Variants in RGMA observed in about 807,000 individuals in gnomAD.
RGMA encodes repulsive guidance molecule A.
A neutral mutation model predicts 23.2 loss-of-function variants in RGMA; 10 were observed. The observed-to-expected ratio is 0.43, with a 90% CI of 0.27 to 0.73. The LOEUF is 0.73. RGMA is among the 30% of genes least tolerant of loss of function. The probability of loss-of-function intolerance (pLI) is 0.20; values close to 1 mark genes in which losing one functional copy is unlikely to be tolerated. For synonymous variants in RGMA, 308 were observed against 279.3 expected, an observed-to-expected ratio of 1.10 and a Z score of -1.03; for missense variants, 547 against 630.5, an observed-to-expected ratio of 0.87 and a Z score of 1.42.
intron 2 of RGMA, 79 bp downstream of exon 2, chr15:93,072,837 C>T: frequency 8.8e-6 from 13 of 1,478,816 alleles, no homozygotes; most frequent in Non-Finnish European, 1.2e-5. Flanking sequence ...TGAGCCCGGA[C>T]TCACTCGCGC....
intron 1 of RGMA, chr15:93,073,535 CTG>C: frequency 2.0e-6 from 3 of 1,472,708 alleles, no homozygotes; most frequent in Non-Finnish European, 2.7e-6. Flanking sequence ...AGTAGAAAAA[CTG>C]TCCTTGGAGG....
At chr15:93,058,112 T>C (rs536126786) in intron 2 of RGMA, among the ~76,000 whole-genome samples, 1 of 152,306 alleles carries the variant, frequency 6.6e-6, no homozygotes, top group African/African-American at 2.4e-5. Flanking sequence ...CCCTTGTTAA[T>C]GAGTAAATGA....
Position 93,044,496 on chromosome 15 carries a change from C to T in RGMA, c.*502G>A, listed in dbSNP as rs192150643. 267 of 160,184 alleles carry T rather than the reference C, an allele frequency of 1.7e-3. 1 individual carries two copies. The highest frequency in any genetic ancestry group is 6.1e-3 in the African/African-American group (256 of 41,702). The allele number at this position is 160,184 out of a possible 1,614,324, so 9.9% of individuals were successfully genotyped here. On this transcript the variant is annotated 3_prime_UTR_variant, in exon 4 of 4. Transcript: ENST00000329082. ...CGGGGTTGCCCTGCCTGGGGCCAAGCCCCAAGGATGCCTCCCTGTGTGGCT... is the reference window on the plus strand; with the variant it reads ...CGGGGTTGCCCTGCCTGGGGCCAAGTCCCAAGGATGCCTCCCTGTGTGGCT...
At position 93,044,894 on chromosome 15, in the gene RGMA, G is replaced by A. The variant is rs2054789422; in HGVS notation, c.*104C>T. ...CAGGCGGTCCCTGGCGTTCTGCGGG[G>A]CCATGGTGGACACGCCAGGAGATCT... On this transcript the variant is annotated 3_prime_UTR_variant, in exon 4 of 4. Transcript: ENST00000329082. The A allele has an allele frequency of 5.2e-6, 5 of 964,336 alleles. No homozygotes were observed. Among genetic ancestry groups the A allele is most frequent in the Non-Finnish European group, 7.6e-6 (5 of 653,860 alleles). The allele number at this position is 964,336 out of a possible 1,614,324, so 59.7% of individuals were successfully genotyped here. A position where few individuals can be genotyped will look rare whatever the true frequency, so the allele number is the denominator to read the frequency against.
At chr15:93,051,927 T>C in intron 3 of RGMA, 66 bp downstream of exon 3, 1 of 1,476,850 alleles carries the variant, frequency 6.8e-7, no homozygotes, top group Non-Finnish European at 9.1e-7. Context: ...TCTCAGCCTC[T>C]CAGTGTCCAC....
intron 1 of RGMA, chr15:93,073,596 C>T (rs1895412985): frequency 1.3e-6 from 2 of 1,535,804 alleles, no homozygotes; most frequent in Admixed American, 3.9e-5. Flanking sequence ...CAAGCTTCCA[C>T]CGACGCCCCC....
chr15:93,052,806 G>C (rs566828587), intron 2 of RGMA, among the ~76,000 whole-genome samples: 1 of 152,344 alleles, frequency 6.6e-6, no homozygotes, highest in East Asian at 1.9e-4. Context: ...AGGACTTTGG[G>C]AGCTGACAGG....
At position 93,038,688 on chromosome 15, in the gene RGMA, C is replaced by G. The variant is rs1454738718; in HGVS notation, c.*6310G>C. On this transcript the variant is annotated 3_prime_UTR_variant, in exon 4 of 4. Coordinates refer to ENST00000329082, the MANE Select transcript of RGMA (RefSeq NM_020211.3). ...CTCCCGGGTTCACGCCACTCTCTTGCCTCAGCCTCCCGAGTAGCTGGGACT... is the reference window on the plus strand; with the variant it reads ...CTCCCGGGTTCACGCCACTCTCTTGGCTCAGCCTCCCGAGTAGCTGGGACT... 6.6e-6 allele frequency: 1 copy of G among 151,356 alleles called. No homozygotes were observed. Among genetic ancestry groups the G allele is most frequent in the African/African-American group, 2.4e-5 (1 of 41,176 alleles). The allele number at this position is 151,356 out of a possible 1,614,324, so 9.4% of individuals were successfully genotyped here. A position where few individuals can be genotyped will look rare whatever the true frequency, so the allele number is the denominator to read the frequency against.
At chr15:93,070,306 T>G (rs572549312) in intron 2 of RGMA, among the ~76,000 whole-genome samples, 12 of 152,346 alleles carry the variant, frequency 7.9e-5, no homozygotes, top group Non-Finnish European at 1.2e-4. Flanking sequence ...GGCTTACTCC[T>G]GGCAGCCATT....
chr15:93,068,723 A>G (rs1328097263), intron 2 of RGMA, among the ~76,000 whole-genome samples: 2 of 152,158 alleles, frequency 1.3e-5, no homozygotes, highest in African/African-American at 4.8e-5. Context: ...ATCAACTCCG[A>G]ATTCACCTTT....
At chr15:93,072,879 G>C (rs764710262) in intron 2 of RGMA, 37 bp downstream of exon 2, 28 of 1,572,704 alleles carry the variant, frequency 1.8e-5, no homozygotes, top group Non-Finnish European at 2.1e-5. Context: ...GGCGGCCCAG[G>C]GACCCGGCCC....
Position 93,045,515 on chromosome 15 carries a change from G to A in RGMA, c.836C>T (p.Thr279Ile). 1 of 1,613,302 alleles carries A rather than the reference G, an allele frequency of 6.2e-7. No individual in the cohort carries two copies. Among genetic ancestry groups the A allele is most frequent in the South Asian group, 1.1e-5 (1 of 91,084 alleles). The change falls in exon 4 of 4, where the codon ACC (threonine) becomes ATC (isoleucine). Residue 279 changes from threonine (T) to isoleucine (I), a missense_variant. This residue lies in a region of RGMA where 128 missense variants were observed against 191.7 expected (regional missense o/e 0.67). Coordinates refer to ENST00000329082, the MANE Select transcript of RGMA (RefSeq NM_020211.3). This position sits in a 1 kb window ranked among gnomAD's most constrained non-coding sequence, Gnocchi z 6.9. ...HVEIQAKYIGTTIVVRQVGRY... is the reference protein window; with the variant it reads ...HVEIQAKYIGITIVVRQVGRY... ...GCCCACCTGGCGCACCACGATGGTG[G>A]TGCCGATGTACTTGGCCTGGATCTC...
In RGMA at chr15:93,086,527, GA is replaced by G. The variant is rs199973326; in HGVS notation, c.14+2391del. Among the ~76,000 whole-genome samples the G allele has an allele frequency of 7.0e-3, 1,068 of 152,284 alleles. 6 individuals carry two copies. The highest frequency in any genetic ancestry group is 0.02 in the Middle Eastern group (6 of 294). ...TCATTTGGTAGCAAGGTTGTAGGGG[GA>G]AAAACGCACTTTAGACTCACAGAAC... On this transcript the variant is annotated intron_variant, in intron 1 of 3. Transcript: ENST00000329082.
chr15:93,051,513 G>A (rs769166285), intron 3 of RGMA, among the ~76,000 whole-genome samples: 18 of 152,368 alleles, frequency 1.2e-4, no homozygotes, highest in Admixed American at 2.6e-4. Flanking sequence ...GGGGTAGACA[G>A]GAGTGTCCAC....
At chr15:93,061,966 G>A (rs1894980153) in intron 2 of RGMA, among the ~76,000 whole-genome samples, 1 of 152,098 alleles carries the variant, frequency 6.6e-6, no homozygotes, top group African/African-American at 2.4e-5. Context: ...CCTGAACCCA[G>A]GAATAAAGAC....
chr15:93,080,396 T>C (rs1311429352), intron 1 of RGMA, among the ~76,000 whole-genome samples: 1 of 151,670 alleles, frequency 6.6e-6, no homozygotes. Flanking sequence ...GGAGATGGGG[T>C]TTTTGGCACA....
At position 93,041,500 on chromosome 15, in the gene RGMA, T is replaced by C. The variant is rs2054723302; in HGVS notation, c.*3498A>G. 2.0e-5 allele frequency: 3 copies of C among 152,220 alleles called. No homozygotes were observed. In the South Asian group the frequency reaches 6.2e-4, roughly 32 times the overall value. 9.4% of individuals were successfully genotyped at this position (152,220 alleles called of 1,614,324 possible). ...AACCAGTAGTAAGTAGCATGGCACTTGGGAAAGAATTCCAGCCGGTTACAT... is the reference window on the plus strand; with the variant it reads ...AACCAGTAGTAAGTAGCATGGCACTCGGGAAAGAATTCCAGCCGGTTACAT... On this transcript the variant is annotated 3_prime_UTR_variant, in exon 4 of 4. Coordinates refer to ENST00000329082, the MANE Select transcript of RGMA (RefSeq NM_020211.3).
chr15:93,063,649 G>A (rs1895044925), intron 2 of RGMA, among the ~76,000 whole-genome samples: 1 of 152,192 alleles, frequency 6.6e-6, no homozygotes, highest in Admixed American at 6.5e-5. Context: ...CCTACAAGCA[G>A]CCAGAATGTG....
chr15:93,088,275 T>A (rs1895673899), intron 1 of RGMA: 1 of 946,482 alleles, frequency 1.1e-6, no homozygotes, highest in Admixed American at 6.3e-5. Flanking sequence ...ATGCCCGGGC[T>A]TGTACCCTGG....
Sources: gnomAD v4.1 joint callset for allele counts (sites outside exome capture counted in the v4.1 genomes callset) on GRCh38, gnomAD v4.1.1 for gene constraint, gnomAD v4.1.1 regional missense constraint, Gnocchi (gnomAD v3.1) non-coding constraint, MANE v1.5 for transcripts, NCBI Gene and HGNC (gene_info 2026-07-23, HGNC 2026-07-21) for gene names.